Variants in DMRT1 observed in about 807,000 individuals in gnomAD.
The protein encoded by DMRT1 is doublesex- and mab-3-related transcription factor 1.
DMRT1 carries 7 observed loss-of-function variants against 32.3 expected under a neutral mutation model. The ratio of observed to expected loss-of-function variants is 0.22; its 90% CI spans 0.12 to 0.41. DMRT1 has a LOEUF of 0.41. Among genes scored for constraint, DMRT1 ranks in the 10% least tolerant of loss-of-function variants. The probability of loss-of-function intolerance (pLI) is 1.00; values close to 1 mark genes in which losing one functional copy is unlikely to be tolerated. For missense variants in DMRT1, 625 were observed against 500.5 expected, an observed-to-expected ratio of 1.25 and a Z score of -2.37; for synonymous variants, 278 against 206.1, an observed-to-expected ratio of 1.35 and a Z score of -2.99.
chr9:944,016 A>G lies in DMRT1; in HGVS notation c.968-23969A>G, dbSNP rs1022491511. Among the ~76,000 whole-genome samples the G allele has an allele frequency of 3.9e-5, 6 of 152,216 alleles. No homozygotes were observed. The South Asian group carries it at 6.2e-4, about 16-fold the overall frequency. ...GTTTGGGGTCTCTCAGACCTGGGTC[A>G]TCACTTAGTAACCATATAAACTTGG... On this transcript the variant is annotated intron_variant, in intron 4 of 4. Transcript: ENST00000382276.
chr9:855,019 A>G lies in DMRT1; in HGVS notation c.538+7876A>G, dbSNP rs377182095. Among the ~76,000 whole-genome samples the G allele has an allele frequency of 4.0e-5, 6 of 150,624 alleles. No homozygotes were observed. In the South Asian group the frequency reaches 6.4e-4, roughly 16 times the overall value. On this transcript the variant is annotated intron_variant, in intron 2 of 4. Coordinates refer to ENST00000382276, the MANE Select transcript of DMRT1 (RefSeq NM_021951.3). Reference sequence around the variant, plus strand: ...CCTGACCTCGTGATCCGCCCGCCTCAGCCTCCCAAAGTGCTGCGATTACAG... The same window carrying G: ...CCTGACCTCGTGATCCGCCCGCCTCGGCCTCCCAAAGTGCTGCGATTACAG...
At chr9:862,173 C>A (rs1169551460) in intron 2 of DMRT1, among the ~76,000 whole-genome samples, 2 of 150,576 alleles carry the variant, frequency 1.3e-5, no homozygotes, top group Non-Finnish European at 3.0e-5. Context: ...GAGGTTGTAG[C>A]GAGCCGAGAT....
At chr9:848,437 T>C (rs13292755) in intron 2 of DMRT1, among the ~76,000 whole-genome samples, 28 of 152,154 alleles carry the variant, frequency 1.8e-4, no homozygotes, top group Non-Finnish European at 2.8e-4. Context: ...CTTTGTGTAT[T>C]TTACTGAAGT....
intron 3 of DMRT1, among the ~76,000 whole-genome samples, chr9:915,335 G>C (rs1261669357): frequency 6.6e-6 from 1 of 152,108 alleles, no homozygotes; most frequent in African/African-American, 2.4e-5. Flanking sequence ...TGGAAATGGA[G>C]GGGGGGCCCT....
intron 4 of DMRT1, among the ~76,000 whole-genome samples, chr9:950,661 A>C (rs547391713): frequency 2.0e-5 from 3 of 152,136 alleles, no homozygotes; most frequent in African/African-American, 7.2e-5. Context: ...CTGCTTCCCC[A>C]AGTCAGCATT....
chr9:893,032 C>G (rs569176006), intron 2 of DMRT1, among the ~76,000 whole-genome samples: 1 of 152,256 alleles, frequency 6.6e-6, no homozygotes, highest in East Asian at 1.9e-4. Context: ...TCTGTTTCCT[C>G]TGACTTCCCA....
Position 919,743 on chromosome 9 carries a change from C to T in DMRT1, c.967+2836C>T, listed in dbSNP as rs533209858. On this transcript the variant is annotated intron_variant, in intron 4 of 4. Coordinates refer to ENST00000382276, the MANE Select transcript of DMRT1 (RefSeq NM_021951.3). ...GATGCAAGGGTGGAAGCTGGGAGAC[C>T]AGTTAGAAGGTGATGGCAGTAATTC... 2.6e-5 allele frequency among the ~76,000 whole-genome samples: 4 copies of T among 152,118 alleles called. No individual in the cohort carries two copies. In the Middle Eastern group the frequency reaches 0.014, roughly 517 times the overall value.
intron 2 of DMRT1, among the ~76,000 whole-genome samples, chr9:892,234 CGTT>C (rs1817179901): frequency 6.6e-6 from 1 of 152,184 alleles, no homozygotes; most frequent in South Asian, 2.1e-4. Context: ...ACCTCTGTGA[CGTT>C]GTATTCTCTG....
intron 4 of DMRT1, among the ~76,000 whole-genome samples, chr9:953,376 G>C (rs549404749): frequency 2.6e-5 from 4 of 152,314 alleles, no homozygotes; most frequent in African/African-American, 4.8e-5. Context: ...TCCAAGGACA[G>C]AGTTTAAGGG....
At chr9:847,271 T>C in intron 2 of DMRT1, 128 bp downstream of exon 2, 2 of 1,004,030 alleles carry the variant, frequency 2.0e-6, no homozygotes, top group Non-Finnish European at 2.9e-6. Flanking sequence ...TGTAGAGGAT[T>C]CTCCCTGTGA....
At chr9:878,200 G>GTCCCCCCCCC (rs149257815) in intron 2 of DMRT1, among the ~76,000 whole-genome samples, 1 of 94,040 alleles carries the variant, frequency 1.1e-5, no homozygotes, top group Admixed American at 1.3e-4. Flanking sequence ...TGCAGCTGCT[G>GTCCCCCCCCC]CCCCCCCCCC....
chr9:950,036 C>A (rs564922418), intron 4 of DMRT1, among the ~76,000 whole-genome samples: 1 of 152,178 alleles, frequency 6.6e-6, no homozygotes, highest in African/African-American at 2.4e-5. Flanking sequence ...TGTGCAGATA[C>A]CTTTTCAAGA....
intron 1 of DMRT1, among the ~76,000 whole-genome samples, chr9:843,856 G>C (rs1014173849): frequency 1.3e-5 from 2 of 152,164 alleles, no homozygotes; most frequent in Middle Eastern, 6.3e-3. Flanking sequence ...TGGCTTCACA[G>C]ATGGCGAGTG....
At chr9:949,936 A>G (rs920067704) in intron 4 of DMRT1, among the ~76,000 whole-genome samples, 1 of 152,128 alleles carries the variant, frequency 6.6e-6, no homozygotes, top group Non-Finnish European at 1.5e-5. Flanking sequence ...CATATAGCAC[A>G]TTGTCCTTAT....
intron 3 of DMRT1, among the ~76,000 whole-genome samples, chr9:903,251 G>C (rs766820124): frequency 6.6e-6 from 1 of 152,138 alleles, no homozygotes; most frequent in Non-Finnish European, 1.5e-5. Flanking sequence ...AAGGAGCAGT[G>C]AGAGTCCTTG....
chr9:894,346 G>C (rs966241985), intron 3 of DMRT1, 151 bp downstream of exon 3: 113 of 838,412 alleles, frequency 1.3e-4, no homozygotes, highest in Non-Finnish European at 1.9e-4. Context: ...ATATGTGTGT[G>C]TGCCATTTTG....
At chr9:884,800 T>C (rs959669533) in intron 2 of DMRT1, among the ~76,000 whole-genome samples, 4 of 152,020 alleles carry the variant, frequency 2.6e-5, no homozygotes, top group Admixed American at 2.6e-4. Flanking sequence ...TGAAACCCCG[T>C]CTCTACTAAA....
intron 4 of DMRT1, among the ~76,000 whole-genome samples, chr9:944,553 G>A (rs1487980102): frequency 5.3e-5 from 8 of 152,242 alleles, no homozygotes; most frequent in African/African-American, 1.7e-4. Context: ...TTTAAAAGGA[G>A]ATGGATATTT....
At chr9:854,393 C>G (rs993317743) in intron 2 of DMRT1, among the ~76,000 whole-genome samples, 2 of 152,084 alleles carry the variant, frequency 1.3e-5, no homozygotes, top group Non-Finnish European at 2.9e-5. Flanking sequence ...AAGTGATTCT[C>G]GTGCCTCAGC....
Sources: allele counts gnomAD v4.1 joint callset (sites outside exome capture counted in the v4.1 genomes callset), GRCh38; gene constraint gnomAD v4.1.1; transcripts MANE v1.5; gene names NCBI Gene and HGNC (gene_info 2026-07-23, HGNC 2026-07-21).